Variants in MAP1LC3B observed in about 807,000 individuals in gnomAD.
MAP1LC3B encodes microtubule associated protein 1 light chain 3 beta, also known as microtubule-associated protein 1 light chain 3 beta.
In MAP1LC3B, 12 loss-of-function variants were observed where a neutral mutation model predicts 16.7. The ratio of observed to expected loss-of-function variants is 0.72; its 90% CI spans 0.46 to 1.16. MAP1LC3B has a LOEUF of 1.16. MAP1LC3B is among the 50% of genes most tolerant of loss of function. The probability of loss-of-function intolerance (pLI) is 0.00; values close to 1 mark genes in which losing one functional copy is unlikely to be tolerated. For synonymous variants in MAP1LC3B, 63 were observed against 56.5 expected (o/e 1.11, Z -0.51); for missense variants, 155 against 159.5 (o/e 0.97, Z 0.15).
intron 1 of MAP1LC3B, among the ~76,000 whole-genome samples, chr16:87,394,423 T>A (rs1432893556): frequency 1.3e-5 from 2 of 152,188 alleles, no homozygotes; most frequent in Admixed American, 6.5e-5. Context: ...TAAGCCCCAG[T>A]TAGCTTGAGT....
intron 2 of MAP1LC3B, among the ~76,000 whole-genome samples, chr16:87,400,655 A>C (rs578070908): frequency 6.6e-6 from 1 of 151,944 alleles, no homozygotes; most frequent in East Asian, 1.9e-4. Flanking sequence ...AACATTGAGC[A>C]TATTACTATA....
intron 2 of MAP1LC3B, among the ~76,000 whole-genome samples, chr16:87,401,536 A>T (rs1907991980): frequency 6.6e-6 from 1 of 152,150 alleles, no homozygotes; most frequent in Admixed American, 6.5e-5. Context: ...GTTGATGACT[A>T]TTTTATTTAT....
intron 2 of MAP1LC3B, among the ~76,000 whole-genome samples, chr16:87,399,838 A>G (rs1264446400): frequency 6.6e-6 from 1 of 152,094 alleles, no homozygotes; most frequent in Non-Finnish European, 1.5e-5. Flanking sequence ...TAGTGGCGCG[A>G]TCTCGGCTCA....
chr16:87,402,527 G>A, intron 3 of MAP1LC3B: 2 of 560,618 alleles, frequency 3.6e-6, no homozygotes, highest in Admixed American at 3.4e-5. Context: ...TCGTTTAGAT[G>A]TTTCCTGTTT....
intron 3 of MAP1LC3B, 70 bp downstream of exon 3, chr16:87,402,351 T>C (rs1045306845): frequency 7.1e-7 from 1 of 1,405,176 alleles, no homozygotes; most frequent in African/African-American, 1.4e-5. Context: ...AAACTTACAG[T>C]TAAATCTTTA....
At chr16:87,397,813 T>G (rs1597389643) in intron 1 of MAP1LC3B, among the ~76,000 whole-genome samples, 2 of 152,180 alleles carry the variant, frequency 1.3e-5, no homozygotes, top group East Asian at 3.9e-4. Context: ...TTTTTTTTTT[T>G]GGAGGTTTTA....
intron 2 of MAP1LC3B, chr16:87,399,151 C>G (rs1907901852): frequency 6.8e-6 from 3 of 439,906 alleles, no homozygotes; most frequent in Admixed American, 4.0e-5. Flanking sequence ...TGACTAGAGG[C>G]ACACACCACT....
At chr16:87,399,756 G>A (rs912603205) in intron 2 of MAP1LC3B, 2 of 327,514 alleles carry the variant, frequency 6.1e-6, no homozygotes, top group South Asian at 2.4e-5. Flanking sequence ...ATAGTGAGGA[G>A]CCAATGGATT....
At chr16:87,398,127 AT>A (rs1907869235) in intron 1 of MAP1LC3B, among the ~76,000 whole-genome samples, 2 of 151,610 alleles carry the variant, frequency 1.3e-5, no homozygotes, top group South Asian at 4.2e-4. Flanking sequence ...GGTTCAAGTG[AT>A]TCTCCTGCCT....
chr16:87,402,652 CTG>C (rs1284572806), intron 3 of MAP1LC3B: 10 of 548,576 alleles, frequency 1.8e-5, no homozygotes, highest in South Asian at 6.8e-5. Flanking sequence ...AGTTCAGAAA[CTG>C]TATTTGAACT....
chr16:87,402,071 G>C (rs569095146), intron 2 of MAP1LC3B, 104 bp from the exon 3 acceptor site: 2 of 1,033,022 alleles, frequency 1.9e-6, no homozygotes, highest in South Asian at 1.4e-5. Context: ...TCCTGACCTC[G>C]TGATGTGCCC....
chr16:87,402,685 T>C, intron 3 of MAP1LC3B: 1 of 589,652 alleles, frequency 1.7e-6, no homozygotes, highest in Non-Finnish European at 2.9e-6. Flanking sequence ...ATTAGACAGT[T>C]TAACAGCTGT....
rs538323501 is a variant in MAP1LC3B at position 87,403,274 on chromosome 16, A to G, written c.*177A>G. 1.8e-4 allele frequency: 97 copies of G among 548,768 alleles called. No homozygotes were observed. Among genetic ancestry groups the G allele is most frequent in the Non-Finnish European group, 2.6e-4 (80 of 308,114 alleles). 34.0% of individuals were successfully genotyped at this position (548,768 alleles called of 1,614,324 possible). On this transcript the variant is annotated 3_prime_UTR_variant, in exon 4 of 4. Transcript: ENST00000268607. ...TTTCAAGCAGAAAAACTGAGCTCCAAGTGAGCACATTCAGCTTTGGAAACT... is the reference window on the plus strand; with the variant it reads ...TTTCAAGCAGAAAAACTGAGCTCCAGGTGAGCACATTCAGCTTTGGAAACT...
intron 1 of MAP1LC3B, among the ~76,000 whole-genome samples, chr16:87,396,505 C>T (rs2150710573): frequency 6.6e-6 from 1 of 152,098 alleles, no homozygotes; most frequent in Admixed American, 6.6e-5. Flanking sequence ...TTCCCCTCTG[C>T]CTGAACGTTT....
chr16:87,401,288 T>C (rs1253614187), intron 2 of MAP1LC3B, among the ~76,000 whole-genome samples: 1 of 152,222 alleles, frequency 6.6e-6, no homozygotes, highest in Non-Finnish European at 1.5e-5. Flanking sequence ...GTATTTTTCA[T>C]GGTTCCAAAA....
In MAP1LC3B at chr16:87,392,397, TCGCCGC is replaced by T. The variant is rs528315518; in HGVS notation, c.-20_-15del. 30 of 1,409,220 alleles carry T rather than the reference TCGCCGC, an allele frequency of 2.1e-5. No individual in the cohort carries two copies. The African/African-American group carries it at 3.2e-4, about 15-fold the overall frequency. The allele number at this position is 1,409,220 out of a possible 1,614,324, so 87.3% of individuals were successfully genotyped here. Reference sequence around the variant, plus strand: ...GGGAGCCGCCGGGACCCTCGCGTCGTCGCCGCCGCCGCCGCCCAGATCCCTGCACCA... The same window carrying T: ...GGGAGCCGCCGGGACCCTCGCGTCGTCGCCGCCGCCCAGATCCCTGCACCA... On this transcript the variant is annotated 5_prime_UTR_variant, in exon 1 of 4. Transcript: ENST00000268607.
chr16:87,392,527 G>A, intron 1 of MAP1LC3B, 60 bp downstream of exon 1: 1 of 1,247,506 alleles, frequency 8.0e-7, no homozygotes, highest in Non-Finnish European at 1.0e-6. Context: ...TGTGGAGGGC[G>A]GCAGGGCCTG....
intron 3 of MAP1LC3B, 118 bp downstream of exon 3, chr16:87,402,399 A>C (rs1908026447): frequency 2.1e-6 from 2 of 941,332 alleles, no homozygotes; most frequent in Non-Finnish European, 3.1e-6. Flanking sequence ...TTTTCAGCTG[A>C]ATTCAGTTCT....
At chr16:87,396,518 A>G (rs1340862897) in intron 1 of MAP1LC3B, among the ~76,000 whole-genome samples, 1 of 151,964 alleles carries the variant, frequency 6.6e-6, no homozygotes, top group East Asian at 1.9e-4. Flanking sequence ...GAACGTTTCT[A>G]CTTTTAGATT....
Sources: gnomAD v4.1 joint callset for allele counts (sites outside exome capture counted in the v4.1 genomes callset) on GRCh38, gnomAD v4.1.1 for gene constraint, MANE v1.5 for transcripts, NCBI Gene and HGNC (gene_info 2026-07-23, HGNC 2026-07-21) for gene names.